Variants in CHSY3 observed in about 807,000 individuals in gnomAD.
CHSY3 encodes chondroitin sulfate synthase 3.
In CHSY3, 35 loss-of-function variants were observed where a neutral mutation model predicts 67.2. That is an observed-to-expected ratio of 0.52 (90% CI 0.40 to 0.69). CHSY3 has a LOEUF of 0.69. Among genes scored for constraint, CHSY3 ranks in the 30% least tolerant of loss-of-function variants. The probability of loss-of-function intolerance (pLI) is 0.00; values close to 1 mark genes in which losing one functional copy is unlikely to be tolerated. For synonymous variants in CHSY3, 474 were observed against 434.7 expected (o/e 1.09, Z -1.12); for missense variants, 1,069 against 1,138.5 (o/e 0.94, Z 0.88).
intron 2 of CHSY3, among the ~76,000 whole-genome samples, chr5:130,003,410 C>G (rs1580637998): frequency 6.6e-6 from 1 of 152,252 alleles, no homozygotes; most frequent in East Asian, 1.9e-4. Flanking sequence ...CTGATACAAC[C>G]TAAATGGTGA....
intron 2 of CHSY3, among the ~76,000 whole-genome samples, chr5:130,013,491 G>C (rs1764126058): frequency 6.6e-6 from 1 of 152,186 alleles, no homozygotes; most frequent in Admixed American, 6.5e-5. Flanking sequence ...AAATCTAAGT[G>C]GAGGTTCCCC....
At chr5:129,921,231 C>T (rs904632036) in intron 2 of CHSY3, among the ~76,000 whole-genome samples, 1 of 152,108 alleles carries the variant, frequency 6.6e-6, no homozygotes, top group Non-Finnish European at 1.5e-5. Flanking sequence ...ACTTTGGGGC[C>T]GTTATTAAGT....
Position 129,912,568 on chromosome 5 carries a change from T to C in CHSY3, c.1086+4208T>C, listed in dbSNP as rs534667961. ...CTGTCTTCTCTGCTCACTTTTTCTA[T>C]TTCCTTCCGCTTGGTGATAGATAAA... On this transcript the variant is annotated intron_variant, in intron 2 of 2. Transcript: ENST00000305031. Among the ~76,000 whole-genome samples the C allele has an allele frequency of 5.3e-5, 8 of 152,304 alleles. No homozygotes were observed. The East Asian group carries it at 1.5e-3, about 29-fold the overall frequency.
intron 2 of CHSY3, among the ~76,000 whole-genome samples, chr5:130,009,075 C>G (rs1041968977): frequency 6.6e-6 from 1 of 152,066 alleles, no homozygotes; most frequent in Non-Finnish European, 1.5e-5. Flanking sequence ...CACAACTTAA[C>G]TAGAGAGGTC....
chr5:130,036,774 A>G (rs1215756661), intron 2 of CHSY3, among the ~76,000 whole-genome samples: 1 of 152,120 alleles, frequency 6.6e-6, no homozygotes, highest in Non-Finnish European at 1.5e-5. Flanking sequence ...CCATTTTGAA[A>G]CCAGCTCTGT....
At chr5:130,175,699 C>A (rs980092817) in intron 2 of CHSY3, among the ~76,000 whole-genome samples, 2 of 151,420 alleles carry the variant, frequency 1.3e-5, no homozygotes, top group South Asian at 2.1e-4. Flanking sequence ...AGAAACAATG[C>A]CACACATCTA....
At chr5:130,147,702 A>G (rs544979733) in intron 2 of CHSY3, among the ~76,000 whole-genome samples, 2 of 152,310 alleles carry the variant, frequency 1.3e-5, no homozygotes, top group East Asian at 1.9e-4. Flanking sequence ...GGAGCTTACA[A>G]TCTGGCAGTA....
At chr5:130,021,623 A>G (rs994117796) in intron 2 of CHSY3, among the ~76,000 whole-genome samples, 4 of 152,084 alleles carry the variant, frequency 2.6e-5, no homozygotes, top group Non-Finnish European at 5.9e-5. Context: ...ACATCATAAA[A>G]GTTTATTCTG....
At chr5:129,950,872 T>C (rs77675912) in intron 2 of CHSY3, among the ~76,000 whole-genome samples, 1,704 of 152,262 alleles carry the variant, frequency 0.011, 38 homozygotes, top group African/African-American at 0.038. Flanking sequence ...AAAATTCCAA[T>C]AGCATTTTTC....
chr5:130,111,002 T>G (rs1767576392), intron 2 of CHSY3, among the ~76,000 whole-genome samples: 1 of 151,990 alleles, frequency 6.6e-6, no homozygotes, highest in African/African-American at 2.4e-5. Flanking sequence ...TCACCAACAT[T>G]TAATTTCTTA....
chr5:130,168,257 T>C lies in CHSY3; in HGVS notation c.1087-15972T>C, dbSNP rs1049660853. Among the ~76,000 whole-genome samples, 4 of 152,274 alleles carry C rather than the reference T, an allele frequency of 2.6e-5. No homozygotes were observed. In the East Asian group the frequency reaches 7.7e-4, roughly 29 times the overall value. On this transcript the variant is annotated intron_variant, in intron 2 of 2. Coordinates refer to ENST00000305031, the MANE Select transcript of CHSY3 (RefSeq NM_175856.5). The stretch of plus-strand genomic sequence containing the variant: ...TGGTCTCTCAGCAGCACTTCATTTA[T>C]TTGTGCAGAAATTATTAATGTGATG...
At chr5:130,010,819 A>G (rs1385913701) in intron 2 of CHSY3, among the ~76,000 whole-genome samples, 1 of 152,172 alleles carries the variant, frequency 6.6e-6, no homozygotes, top group Non-Finnish European at 1.5e-5. Flanking sequence ...AGAAACACAC[A>G]CAAAAAAATA....
intron 2 of CHSY3, among the ~76,000 whole-genome samples, chr5:130,112,526 C>G (rs1767621248): frequency 6.6e-6 from 1 of 152,064 alleles, no homozygotes; most frequent in South Asian, 2.1e-4. Flanking sequence ...TCTACACCAC[C>G]TCTCTAAATT....
At chr5:130,103,749 A>G (rs923028460) in intron 2 of CHSY3, among the ~76,000 whole-genome samples, 1 of 151,980 alleles carries the variant, frequency 6.6e-6, no homozygotes, top group Admixed American at 6.6e-5. Context: ...ATATAAGTTT[A>G]CCTGAGAGCC....
intron 2 of CHSY3, among the ~76,000 whole-genome samples, chr5:129,948,102 C>T (rs1040725933): frequency 6.6e-6 from 1 of 152,046 alleles, no homozygotes; most frequent in Non-Finnish European, 1.5e-5. Flanking sequence ...TGCTGCTAAA[C>T]AAAATTGACA....
chr5:129,950,673 T>C (rs561466600), intron 2 of CHSY3, among the ~76,000 whole-genome samples: 1 of 152,208 alleles, frequency 6.6e-6, no homozygotes, highest in South Asian at 2.1e-4. Context: ...CCATTTATGA[T>C]AGTATGAGAA....
intron 2 of CHSY3, chr5:130,114,549 C>T (rs1404685830): frequency 6.6e-6 from 1 of 152,052 alleles, no homozygotes; most frequent in Admixed American, 6.6e-5. Context: ...GTAGTATACA[C>T]CTCATGGAGA....
Position 130,185,321 on chromosome 5 carries a change from T to C in CHSY3, c.2179T>C (p.Phe727Leu). 1 of 1,611,262 alleles carries C rather than the reference T, an allele frequency of 6.2e-7. No homozygotes were observed. The highest frequency in any genetic ancestry group is 1.3e-5 in the African/African-American group (1 of 75,002). ...TGTTGACTTGATCTTCAGAGAAGAT[T>C]TTCTCCAACGATGTAGAGACAATAC... ...CDVDLIFRED[F>L]LQRCRDNTIQ... Residue 727 changes from phenylalanine to leucine, a missense_variant, in exon 3 of 3, where the codon TTT becomes CTT. This residue lies in a region of CHSY3 where 401 missense variants were observed against 395.2 expected (regional missense o/e 1.01). Coordinates refer to ENST00000305031, the MANE Select transcript of CHSY3 (RefSeq NM_175856.5).
chr5:129,987,821 G>A (rs908980483), intron 2 of CHSY3, among the ~76,000 whole-genome samples: 7 of 152,206 alleles, frequency 4.6e-5, no homozygotes, highest in African/African-American at 1.7e-4. Context: ...GGACTGTTTT[G>A]TTTTTTCATA....
Sources: gnomAD v4.1 joint callset for allele counts (sites outside exome capture counted in the v4.1 genomes callset) on GRCh38, gnomAD v4.1.1 for gene constraint, gnomAD v4.1.1 regional missense constraint, MANE v1.5 for transcripts, NCBI Gene and HGNC (gene_info 2026-07-23, HGNC 2026-07-21) for gene names.